Variants in WDPCP observed in about 807,000 individuals in gnomAD.
WDPCP encodes WD repeat-containing and planar cell polarity effector protein fritz homolog.
WDPCP carries 71 observed loss-of-function variants against 93.1 expected under a neutral mutation model. That is an observed-to-expected ratio of 0.76 (90% confidence interval 0.63 to 0.93). The LOEUF (loss-of-function observed/expected upper bound fraction) is 0.93. Among genes scored for constraint, WDPCP ranks in the 40% least tolerant of loss-of-function variants. WDPCP has a pLI of 0.00. For missense variants in WDPCP, 844 were observed against 887.4 expected, an observed-to-expected ratio of 0.95 and a Z score of 0.62; for synonymous variants, 315 against 315.0, an observed-to-expected ratio of 1.00 and a Z score of 0.00.
chr2:63,756,496 T>G (rs1669969377), intron 2 of WDPCP, among the ~76,000 whole-genome samples: 1 of 152,188 alleles, frequency 6.6e-6, no homozygotes, highest in South Asian at 2.1e-4. Context: ...ATTATATATT[T>G]TCTATAGAAT....
intron 1 of WDPCP, among the ~76,000 whole-genome samples, chr2:63,824,537 CAAA>C (rs70965144): frequency 5.9e-5 from 5 of 85,290 alleles, no homozygotes; most frequent in East Asian, 4.2e-4. Flanking sequence ...GACCATGTTT[CAAA>C]AAAAAAAAAA....
intron 3 of WDPCP, chr2:63,597,382 T>A (rs1047519281): frequency 2.2e-6 from 3 of 1,351,102 alleles, no homozygotes; most frequent in Non-Finnish European, 2.9e-6. Context: ...TCTGCGTATT[T>A]ATTGCCATGT....
intron 1 of WDPCP, among the ~76,000 whole-genome samples, chr2:63,501,601 T>C (rs1159372508): frequency 6.6e-6 from 1 of 152,112 alleles, no homozygotes; most frequent in African/African-American, 2.4e-5. Flanking sequence ...ATTAGGCCTC[T>C]GTCTGGTCCT....
intron 2 of WDPCP, among the ~76,000 whole-genome samples, chr2:63,736,461 T>G (rs1311382639): frequency 2.6e-5 from 4 of 152,242 alleles, no homozygotes; most frequent in Non-Finnish European, 5.9e-5. Flanking sequence ...GGGAATTCCT[T>G]AGGTCTTACA....
chr2:63,237,829 G>C (rs1444239800), intron 14 of WDPCP, among the ~76,000 whole-genome samples: 1 of 152,036 alleles, frequency 6.6e-6, no homozygotes, highest in Non-Finnish European at 1.5e-5. Context: ...GGCTCCAAAA[G>C]GAAAGAGGGA....
chr2:63,379,530 T>A (rs1692130098), intron 11 of WDPCP, among the ~76,000 whole-genome samples: 1 of 152,178 alleles, frequency 6.6e-6, no homozygotes, highest in South Asian at 2.1e-4. Flanking sequence ...TACAATTGAA[T>A]ACAGCAATGC....
chr2:63,239,103 G>A (rs959882658), intron 14 of WDPCP, among the ~76,000 whole-genome samples: 9 of 152,184 alleles, frequency 5.9e-5, no homozygotes, highest in African/African-American at 2.2e-4. Context: ...TGAAAGATAT[G>A]TGTGTGTATA....
intron 13 of WDPCP, among the ~76,000 whole-genome samples, chr2:63,283,509 T>G (rs990038018): frequency 2.0e-5 from 3 of 152,220 alleles, no homozygotes; most frequent in Admixed American, 6.5e-5. Context: ...CATACTTATT[T>G]GTTTACATAT....
chr2:63,137,840 G>T (rs1166285150), intron 17 of WDPCP, among the ~76,000 whole-genome samples: 1 of 151,986 alleles, frequency 6.6e-6, no homozygotes, highest in Non-Finnish European at 1.5e-5. Context: ...GTTTTTGTCA[G>T]GTTTTTTGAA....
At chr2:63,752,266 A>G in intron 2 of WDPCP, 1 of 811,800 alleles carries the variant, frequency 1.2e-6, no homozygotes, top group Non-Finnish European at 2.1e-6. Context: ...ACTGTTCAAA[A>G]TAATCTCTCA....
intron 1 of WDPCP, among the ~76,000 whole-genome samples, chr2:63,521,084 C>T (rs1219208984): frequency 6.6e-6 from 1 of 152,116 alleles, no homozygotes; most frequent in African/African-American, 2.4e-5. Context: ...AAAGGAAAGA[C>T]TGTCACCAGC....
chr2:63,512,283 A>G (rs2106097119), intron 1 of WDPCP, among the ~76,000 whole-genome samples: 2 of 152,332 alleles, frequency 1.3e-5, no homozygotes, highest in Middle Eastern at 6.8e-3. Flanking sequence ...ACGCTTTTAC[A>G]CTGTTGGTGG....
intron 12 of WDPCP, among the ~76,000 whole-genome samples, chr2:63,373,800 A>G (rs1039031495): frequency 1.3e-5 from 2 of 151,810 alleles, no homozygotes; most frequent in Non-Finnish European, 2.9e-5. Flanking sequence ...TGAAAATTAT[A>G]TACTCTATTT....
intron 15 of WDPCP, among the ~76,000 whole-genome samples, chr2:63,172,612 C>T (rs191805900): frequency 2.0e-5 from 3 of 151,182 alleles, no homozygotes; most frequent in Admixed American, 2.0e-4. Context: ...ATAAACAATA[C>T]AGAACATTAT....
chr2:63,582,414 C>T (rs893160262), intron 1 of WDPCP, among the ~76,000 whole-genome samples: 8 of 152,076 alleles, frequency 5.3e-5, no homozygotes, highest in African/African-American at 1.9e-4. Context: ...ATCAATGAGC[C>T]ATGAGACAAC....
At chr2:63,476,582 GT>G (rs1699986973) in intron 6 of WDPCP, among the ~76,000 whole-genome samples, 1 of 152,082 alleles carries the variant, frequency 6.6e-6, no homozygotes, top group African/African-American at 2.4e-5. Flanking sequence ...GATTTCATGT[GT>G]CTATTTTCCT....
chr2:63,177,750 T>C (rs138491399), intron 14 of WDPCP, among the ~76,000 whole-genome samples: 69 of 152,180 alleles, frequency 4.5e-4, no homozygotes, highest in African/African-American at 1.6e-3. Flanking sequence ...CATTCCAGTA[T>C]TATGTTAAAT....
chr2:63,531,827 G>A (rs545824010), intron 1 of WDPCP, among the ~76,000 whole-genome samples: 118 of 152,218 alleles, frequency 7.8e-4, no homozygotes, highest in Admixed American at 6.5e-4. Flanking sequence ...GCAGCTCCTC[G>A]CCAGCAGCAG....
chr2:63,554,640 G>A (rs570244132), intron 1 of WDPCP, among the ~76,000 whole-genome samples: 114 of 125,396 alleles, frequency 9.1e-4, no homozygotes, highest in Admixed American at 2.8e-3. Context: ...GTAACAAAGC[G>A]AAACTCCGTC....
Sources: gnomAD v4.1 joint callset for allele counts (sites outside exome capture counted in the v4.1 genomes callset) on GRCh38, gnomAD v4.1.1 for gene constraint, MANE v1.5 for transcripts, NCBI Gene and HGNC (gene_info 2026-07-23, HGNC 2026-07-21) for gene names.